Variants in NRAP observed in about 807,000 individuals in gnomAD.
The protein encoded by NRAP is nebulin-related-anchoring protein.
In NRAP, 189 loss-of-function variants were observed where a neutral mutation model predicts 225.9. That is an observed-to-expected ratio of 0.84 (90% CI 0.74 to 0.94). NRAP has a LOEUF of 0.94. Ranked by LOEUF, NRAP falls within the 40% of genes least tolerant of loss-of-function variation. NRAP has a pLI of 0.00. For missense variants in NRAP, 2,176 were observed against 2,168.7 expected, an observed-to-expected ratio of 1.00 and a Z score of -0.07; for synonymous variants, 769 against 790.7, an observed-to-expected ratio of 0.97 and a Z score of 0.46.
rs10430683 is a variant in NRAP, at chr10:113,662,518, G to A, written c.255+161C>T. Among the ~76,000 whole-genome samples, 24,545 of 152,060 alleles carry A rather than the reference G, an allele frequency of 0.16. 2,144 individuals are homozygous for A. Among genetic ancestry groups the A allele is most frequent in the African/African-American group, 0.23 (9,464 of 41,454 alleles). On this transcript the variant is annotated intron_variant, in intron 3 of 41. Coordinates refer to ENST00000359988, the MANE Select transcript of NRAP (RefSeq NM_198060.4). ...GCCCAGGCTAGTCTCTAACTCCCAA[G>A]CTCAAACCATCTGCCCGCTTTGGCC...
intron 24 of NRAP, among the ~76,000 whole-genome samples, chr10:113,620,973 T>A (rs528273452): frequency 3.3e-4 from 50 of 152,296 alleles, no homozygotes; most frequent in African/African-American, 1.2e-3. Context: ...CAAACCAAGC[T>A]TGCCCCTCAT....
At chr10:113,592,358 G>T in intron 38 of NRAP, 57 bp from the exon 39 acceptor site, 2 of 1,178,312 alleles carry the variant, frequency 1.7e-6, no homozygotes, top group Non-Finnish European at 2.5e-6. Flanking sequence ...TGTCTTCCAT[G>T]TTGCTGGTAC....
intron 40 of NRAP, among the ~76,000 whole-genome samples, chr10:113,590,326 A>G (rs929183068): frequency 1.3e-5 from 2 of 152,236 alleles, no homozygotes; most frequent in Non-Finnish European, 2.9e-5. Flanking sequence ...AAAATGAAGC[A>G]GCCCTGGGGT....
chr10:113,606,019 G>T, intron 33 of NRAP, 150 bp from the exon 34 acceptor site: 1 of 789,404 alleles, frequency 1.3e-6, no homozygotes, highest in Non-Finnish European at 2.2e-6. Context: ...TACACTCATG[G>T]ACTCATATTT....
rs879145705 is a variant in NRAP at position 113,623,632 on chromosome 10, A to G, written c.2354T>C (p.Leu785Pro). 4 of 1,611,254 alleles carry G rather than the reference A, an allele frequency of 2.5e-6. No individual in the cohort carries two copies. The highest frequency in any genetic ancestry group is 3.4e-6 in the Non-Finnish European group (4 of 1,177,632). ...CTGGTTTTCCCAGCTGCTCTTATAC[A>G]GTTTCTAAGGGGATTTAGGAGAGAA... is the stretch of plus-strand genomic sequence containing the variant. ...RANAANLSEK[L>P]YKSSWENQKA... Residue 785 changes from leucine to proline, a missense_variant, in exon 23 of 42, where the codon CTG becomes CCG. This residue lies in a region of NRAP where 1,708 missense variants were observed against 1,695.5 expected (regional missense o/e 1.01). Transcript: ENST00000359988.
intron 5 of NRAP, among the ~76,000 whole-genome samples, chr10:113,653,388 C>T: frequency 6.6e-6 from 1 of 152,212 alleles, no homozygotes; most frequent in East Asian, 1.9e-4. Context: ...AAGAGTACTA[C>T]AGTATTGGAA....
chr10:113,595,834 C>G (rs1424927818), intron 37 of NRAP, 107 bp from the exon 38 acceptor site: 4 of 726,224 alleles, frequency 5.5e-6, no homozygotes, highest in Non-Finnish European at 9.7e-6. Flanking sequence ...GTGCCCACCG[C>G]ATAGAACAGA....
rs752016526 is a variant in NRAP, at chr10:113,662,747, T to C, written c.187A>G (p.Thr63Ala). 6.3e-7 allele frequency: 1 copy of C among 1,597,004 alleles called. No individual in the cohort carries two copies. The highest frequency in any genetic ancestry group is 1.1e-5 in the South Asian group (1 of 90,602). Reference protein sequence around the residue: ...YCHAHNPKNNTFTSVYHTPLN... With the variant: ...YCHAHNPKNNAFTSVYHTPLN... ...GGAGTGTGATAGACACTGGTGAAAG[T>C]GTTGTTCTTAGGGTTATGGCTACAA... is the stretch of plus-strand genomic sequence containing the variant. Residue 63 changes from threonine to alanine, a missense_variant, in exon 3 of 42, where the codon ACT becomes GCT. Thr to Ala is a moderately conservative substitution (Grantham distance 58). This residue lies in a region of NRAP where 1,708 missense variants were observed against 1,695.5 expected (regional missense o/e 1.01). Coordinates refer to ENST00000359988, the MANE Select transcript of NRAP (RefSeq NM_198060.4).
intron 9 of NRAP, among the ~76,000 whole-genome samples, chr10:113,647,592 C>T (rs190763420): frequency 2.2e-5 from 3 of 139,080 alleles, no homozygotes; most frequent in Non-Finnish European, 3.2e-5. Flanking sequence ...GTACTTCCTC[C>T]CCTAGTGGTA....
At chr10:113,621,063 G>A (rs1847960100) in intron 24 of NRAP, among the ~76,000 whole-genome samples, 1 of 152,146 alleles carries the variant, frequency 6.6e-6, no homozygotes, top group Non-Finnish European at 1.5e-5. Context: ...ACACACGGGG[G>A]ACAAGAAAAT....
Position 113,641,464 on chromosome 10 carries a change from A to G in NRAP, c.1224T>C (p.Tyr408=), listed in dbSNP as rs1849198904. The G allele has an allele frequency of 6.2e-7, 1 of 1,608,724 alleles. No individual in the cohort carries two copies. Among genetic ancestry groups the G allele is most frequent in the East Asian group, 2.2e-5 (1 of 44,844 alleles). ...KISKFTSDNK[Y]KENYQNHMRG... is the part of the protein sequence containing the mutation. ...TCATGTGGTTCTGGTAGTTTTCTTT[A>G]TATTTATTCTACATGGAAACGCAAA... Residue 408 remains tyrosine (Y), a synonymous_variant, in exon 13 of 42, where the codon TAT becomes TAC. Coordinates refer to ENST00000359988, the MANE Select transcript of NRAP (RefSeq NM_198060.4).
chr10:113,601,679 T>C (rs1031810611), intron 35 of NRAP, among the ~76,000 whole-genome samples: 3 of 152,232 alleles, frequency 2.0e-5, no homozygotes, highest in Non-Finnish European at 2.9e-5. Context: ...TCTGCTTTCT[T>C]TTTTTAGTGT....
intron 1 of NRAP, 103 bp downstream of exon 1, chr10:113,663,708 T>C (rs953212871): frequency 2.3e-6 from 2 of 868,196 alleles, no homozygotes; most frequent in Non-Finnish European, 3.8e-6. Context: ...TTCAAAACAA[T>C]TTAACTGAAA....
At chr10:113,626,319 T>C (rs1848290821) in intron 20 of NRAP, among the ~76,000 whole-genome samples, 174 bp from the exon 21 acceptor site, 1 of 152,212 alleles carries the variant, frequency 6.6e-6, no homozygotes. Context: ...AGACAGCCTG[T>C]TCCAGTGAAC....
chr10:113,642,508 T>A (rs1009402562), intron 12 of NRAP, among the ~76,000 whole-genome samples: 1 of 152,122 alleles, frequency 6.6e-6, no homozygotes, highest in East Asian at 1.9e-4. Context: ...CTAGTACATA[T>A]CTGTTCATCT....
chr10:113,622,961 A>C (rs972211552), intron 23 of NRAP, among the ~76,000 whole-genome samples: 2 of 152,218 alleles, frequency 1.3e-5, no homozygotes, highest in African/African-American at 4.8e-5. Context: ...AGTTTGACAT[A>C]CATCCTTGCT....
In NRAP at chr10:113,663,336, G is replaced by A. The variant is rs148826463; in HGVS notation, c.167+16C>T. 86 of 1,461,336 alleles carry A rather than the reference G, an allele frequency of 5.9e-5. No individual in the cohort carries two copies. Among genetic ancestry groups the A allele is most frequent in the East Asian group, 3.4e-4 (15 of 44,152 alleles). The allele number at this position is 1,461,336 out of a possible 1,614,324, so 90.5% of individuals were successfully genotyped here. On this transcript the variant is annotated intron_variant, in intron 2 of 41. Coordinates refer to ENST00000359988, the MANE Select transcript of NRAP (RefSeq NM_198060.4). ...ATAAAACTCAAGAGGTAGTGGTGGG[G>A]GCATCAAACACTTACGCGTGACAGT...
At position 113,662,664 on chromosome 10, in the gene NRAP, A is replaced by G. The variant is rs1395018860; in HGVS notation, c.255+15T>C. The stretch of plus-strand genomic sequence containing the variant: ...TCTCCATACCCTCCATCCCACTGAA[A>G]ATTAAATAACTTACCCCACTGATGG... On this transcript the variant is annotated intron_variant, in intron 3 of 41. Coordinates refer to ENST00000359988, the MANE Select transcript of NRAP (RefSeq NM_198060.4). 1.5e-6 allele frequency: 2 copies of G among 1,368,834 alleles called. No homozygotes were observed. The highest frequency in any genetic ancestry group is 2.1e-6 in the Non-Finnish European group (2 of 956,064). 84.8% of individuals were successfully genotyped at this position (1,368,834 alleles called of 1,614,324 possible).
chr10:113,622,062 T>C lies in NRAP; in HGVS notation c.2576A>G (p.Glu859Gly). 3 of 1,614,228 alleles carry C rather than the reference T, an allele frequency of 1.9e-6. No homozygotes were observed. The South Asian group carries it at 3.3e-5, about 18-fold the overall frequency. Residue 859 changes from glutamate to glycine, a missense_variant, in exon 24 of 42, where the codon GAG becomes GGG. Transcript: ENST00000359988. ...GGTGTCCTCGAATCCCTTCTTGTACTCCAGCTCACTCTGCAGCTTGGACAT... is the reference window on the plus strand; with the variant it reads ...GGTGTCCTCGAATCCCTTCTTGTACCCCAGCTCACTCTGCAGCTTGGACAT... The part of the protein sequence containing the change: ...LQMSKLQSEL[E>G]YKKGFEDTKS...
Sources: allele counts gnomAD v4.1 joint callset (sites outside exome capture counted in the v4.1 genomes callset), GRCh38; gene constraint gnomAD v4.1.1; regional missense constraint gnomAD v4.1.1; transcripts MANE v1.5; gene names NCBI Gene and HGNC (gene_info 2026-07-23, HGNC 2026-07-21).